The following EFCC1 variants were observed in gnomAD, a reference collection of about 807,000 sequenced individuals.
The protein encoded by EFCC1 is EF-hand and coiled-coil domain containing 1.
A neutral mutation model predicts 52.1 loss-of-function variants in EFCC1; 50 were observed. The observed-to-expected ratio is 0.96, with a 90% CI of 0.76 to 1.21. EFCC1 has a LOEUF of 1.21. Ranked by LOEUF, EFCC1 falls within the 50% of genes most tolerant of loss-of-function variation. The pLI is 0.00. For missense variants in EFCC1, 837 were observed against 867.3 expected (o/e 0.97, Z 0.44); for synonymous variants, 399 against 396.5 (o/e 1.01, Z -0.08).
Position 129,002,161 on chromosome 3 carries a change from G to T in EFCC1, c.533G>T (p.Arg178Leu). The T allele has an allele frequency of 6.8e-7, 1 of 1,470,900 alleles. No homozygotes were observed. The allele number at this position is 1,470,900 out of a possible 1,614,324, so 91.1% of individuals were successfully genotyped here. The change falls in exon 1 of 8, where the codon CGT (arginine) becomes CTT (leucine). Residue 178 changes from arginine to leucine, a missense_variant. Transcript: ENST00000683648. ...ATCGAGACGCAGATCCGCCTGCGCC[G>T]TCCGCGCCGCCGCCGCCGCCCGCCC... ...EHIETQIRLR[R>L]PRRRRRPPCA...
At chr3:129,022,660 G>C (rs1459900214) in intron 2 of EFCC1, among the ~76,000 whole-genome samples, 4 of 152,208 alleles carry the variant, frequency 2.6e-5, no homozygotes, top group Non-Finnish European at 5.9e-5. Context: ...GGAAGTGAGG[G>C]TGTGAGGGGA....
chr3:129,013,844 T>C (rs1011720058), intron 2 of EFCC1, among the ~76,000 whole-genome samples: 4 of 152,168 alleles, frequency 2.6e-5, no homozygotes, highest in African/African-American at 7.2e-5. Flanking sequence ...GATGGGGGGC[T>C]ACTTGTGGGC....
chr3:129,039,875 C>T lies in EFCC1; in HGVS notation c.*27C>T, dbSNP rs372468363. Reference sequence around the variant, plus strand: ...GTTACTGGCCCACCCTGTGGGCACCCTGCTCAGCCTGACTGCCTTTGGACC... The same window carrying T: ...GTTACTGGCCCACCCTGTGGGCACCTTGCTCAGCCTGACTGCCTTTGGACC... On this transcript the variant is annotated 3_prime_UTR_variant, in exon 8 of 8. Coordinates refer to ENST00000683648, the MANE Select transcript of EFCC1 (RefSeq NM_001377500.1). 6.3e-7 allele frequency: 1 copy of T among 1,575,702 alleles called. No individual in the cohort carries two copies. Among genetic ancestry groups the T allele is most frequent in the African/African-American group, 1.3e-5 (1 of 74,250 alleles).
chr3:129,011,487 G>A (rs963879319), intron 2 of EFCC1, among the ~76,000 whole-genome samples: 1 of 151,658 alleles, frequency 6.6e-6, no homozygotes, highest in Non-Finnish European at 1.5e-5. Context: ...GAAGGTGGAG[G>A]TTGTAGTGAG....
chr3:129,038,815 T>G lies in EFCC1; in HGVS notation c.1594-16T>G, dbSNP rs1239530700. 3 of 1,613,428 alleles carry G rather than the reference T, an allele frequency of 1.9e-6. No homozygotes were observed. The South Asian group carries it at 3.3e-5, about 18-fold the overall frequency. Reference sequence around the variant, plus strand: ...GCAACCAGTCTAATCCAGCCTTGTTTCCATTTCTTTTTAAGAACATATCGA... The same window carrying G: ...GCAACCAGTCTAATCCAGCCTTGTTGCCATTTCTTTTTAAGAACATATCGA... On this transcript the variant is annotated splice_polypyrimidine_tract_variant and intron_variant, in intron 6 of 7. Transcript: ENST00000683648.
intron 5 of EFCC1, among the ~76,000 whole-genome samples, chr3:129,036,741 A>G (rs1259120601): frequency 6.6e-6 from 1 of 152,232 alleles, no homozygotes; most frequent in Non-Finnish European, 1.5e-5. Context: ...CTTCCCACTA[A>G]ACTTAATTTG....
chr3:129,009,044 C>G (rs1454190335), intron 2 of EFCC1, among the ~76,000 whole-genome samples: 5 of 152,088 alleles, frequency 3.3e-5, no homozygotes, highest in Non-Finnish European at 4.4e-5. Context: ...TGCAGTAATG[C>G]AAACAGCTTC....
In EFCC1 at chr3:129,038,919, C is replaced by G. The variant is rs551232704; in HGVS notation, c.1663+19C>G. On this transcript the variant is annotated intron_variant, in intron 7 of 7. Coordinates refer to ENST00000683648, the MANE Select transcript of EFCC1 (RefSeq NM_001377500.1). Reference sequence around the variant, plus strand: ...ACCCACGGTAGGAGAGCACCCTAGTCTCTCAGAGCCCACGCAGTGGCTGGA... The same window carrying G: ...ACCCACGGTAGGAGAGCACCCTAGTGTCTCAGAGCCCACGCAGTGGCTGGA... The G allele has an allele frequency of 8.7e-5, 141 of 1,611,444 alleles. 3 individuals are homozygous for G. In the South Asian group the frequency reaches 1.5e-3, roughly 17 times the overall value.
intron 3 of EFCC1, 57 bp downstream of exon 3, chr3:129,030,917 T>A: frequency 6.7e-7 from 1 of 1,486,400 alleles, no homozygotes; most frequent in Non-Finnish European, 9.0e-7. Flanking sequence ...CCGGCTGTGC[T>A]CAGCCCTGCT....
intron 5 of EFCC1, 121 bp from the exon 6 acceptor site, chr3:129,036,856 G>A (rs1262788831): frequency 6.8e-7 from 1 of 1,470,016 alleles, no homozygotes; most frequent in Non-Finnish European, 9.3e-7. Flanking sequence ...GTGGCTTTAG[G>A]CCACACACTC....
intron 2 of EFCC1, among the ~76,000 whole-genome samples, chr3:129,020,312 C>A (rs372595326): frequency 7.9e-5 from 12 of 152,290 alleles, no homozygotes; most frequent in South Asian, 6.2e-4. Flanking sequence ...CTGACTTGCA[C>A]CCTATGAGCT....
Position 129,003,894 on chromosome 3 carries a change from C to CGGCGGAGGCCCGCGCTG in EFCC1, c.803_819dup (p.Leu274ArgfsTer71). ...CGTCAGGCGCAGGGCGCCCTGGCTG[C>CGGCGGAGGCCCGCGCTG]GGCGGAGGCCCGCGCTGGGCGGCTG... On this transcript the variant is annotated frameshift_variant, in exon 2 of 8. Transcript: ENST00000683648. LOFTEE classifies it high-confidence loss of function. 1 of 1,375,184 alleles carries CGGCGGAGGCCCGCGCTG rather than the reference C, an allele frequency of 7.3e-7. No individual in the cohort carries two copies. Among genetic ancestry groups the CGGCGGAGGCCCGCGCTG allele is most frequent in the Non-Finnish European group, 9.4e-7 (1 of 1,067,378 alleles). 85.2% of individuals were successfully genotyped at this position (1,375,184 alleles called of 1,614,324 possible).
At chr3:129,037,152 G>A in intron 6 of EFCC1, 35 bp downstream of exon 6, 1 of 1,574,466 alleles carries the variant, frequency 6.4e-7, no homozygotes, top group Non-Finnish European at 8.6e-7. Flanking sequence ...ACTCAGGGAA[G>A]GGAAAGGAGC....
At chr3:129,033,947 G>A (rs1946321926) in intron 4 of EFCC1, among the ~76,000 whole-genome samples, 1 of 152,238 alleles carries the variant, frequency 6.6e-6, no homozygotes, top group African/African-American at 2.4e-5. Context: ...AGGTGGGTGG[G>A]AGGGAAGGTC....
At chr3:129,025,872 C>T (rs1946082756) in intron 2 of EFCC1, among the ~76,000 whole-genome samples, 1 of 152,234 alleles carries the variant, frequency 6.6e-6, no homozygotes, top group African/African-American at 2.4e-5. Flanking sequence ...TTCCCAGCTT[C>T]ACTGCCTGTG....
At chr3:129,036,902 T>C in intron 5 of EFCC1, 75 bp from the exon 6 acceptor site, 6 of 1,604,414 alleles carry the variant, frequency 3.7e-6, no homozygotes, top group Non-Finnish European at 5.1e-6. Context: ...CTCGGGGAGA[T>C]GGAGTAGTTG....
In EFCC1 at chr3:129,004,052, C is replaced by A; in HGVS notation, c.955C>A (p.Leu319Met). The change falls in exon 2 of 8, where the codon CTG becomes ATG. Residue 319 changes from leucine to methionine, a missense_variant. Coordinates refer to ENST00000683648, the MANE Select transcript of EFCC1 (RefSeq NM_001377500.1). ...CGGCTTGCAGCGCTGGGTGCGGCGG[C>A]TGGAGGCGGAGCTGCAACGCTACAG... is the stretch of plus-strand genomic sequence containing the variant. ...VPGLQRWVRR[L>M]EAELQRYRSE... 1 of 1,511,226 alleles carries A rather than the reference C, an allele frequency of 6.6e-7. No homozygotes were observed. The highest frequency in any genetic ancestry group is 8.8e-7 in the Non-Finnish European group (1 of 1,136,608). 93.6% of individuals were successfully genotyped at this position (1,511,226 alleles called of 1,614,324 possible). A position where few individuals can be genotyped will look rare whatever the true frequency, so the allele number is the denominator to read the frequency against.
rs552354994 is a variant in EFCC1, at chr3:129,027,826, C to T, written c.981-2877C>T. ...AAAGTTAGCCGGGCATGGTGGCGGG[C>T]GCCTGTAGTCCCAGCTACTTGGGAG... On this transcript the variant is annotated intron_variant, in intron 2 of 7. Transcript: ENST00000683648. Among the ~76,000 whole-genome samples the T allele has an allele frequency of 2.6e-3, 388 of 152,010 alleles. 2 individuals are homozygous for T. Among genetic ancestry groups the T allele is most frequent in the Non-Finnish European group, 4.8e-3 (326 of 67,962 alleles).
At chr3:129,030,019 C>T (rs1946239020) in intron 2 of EFCC1, among the ~76,000 whole-genome samples, 1 of 151,900 alleles carries the variant, frequency 6.6e-6, no homozygotes, top group African/African-American at 2.4e-5. Context: ...ACCCTGTCCC[C>T]ACAAAAAAAT....
Sources: allele counts gnomAD v4.1 joint callset (sites outside exome capture counted in the v4.1 genomes callset), GRCh38; gene constraint gnomAD v4.1.1; transcripts MANE v1.5; gene names NCBI Gene and HGNC (gene_info 2026-07-23, HGNC 2026-07-21).